Variants in STK32B observed in about 807,000 individuals in gnomAD.
The protein encoded by STK32B is serine/threonine kinase 32B, also known as serine/threonine-protein kinase 32B.
In STK32B, 43 loss-of-function variants were observed where a neutral mutation model predicts 52.6. The ratio of observed to expected loss-of-function variants is 0.82; its 90% confidence interval spans 0.64 to 1.05. The LOEUF is 1.05. Ranked by LOEUF, STK32B falls within the 50% of genes least tolerant of loss-of-function variation. The pLI, the probability that STK32B is intolerant of heterozygous loss-of-function variation, is 0.00. For missense variants in STK32B, 621 were observed against 534.6 expected (o/e 1.16, Z -1.59); for synonymous variants, 238 against 204.3 (o/e 1.17, Z -1.41).
intron 1 of STK32B, among the ~76,000 whole-genome samples, chr4:5,065,511 A>T (rs1171560250): frequency 1.3e-5 from 2 of 152,140 alleles, no homozygotes; most frequent in Non-Finnish European, 2.9e-5. Context: ...GCTGAATGCC[A>T]CATGGAAAAT....
intron 3 of STK32B, among the ~76,000 whole-genome samples, chr4:5,200,391 C>G (rs1722040972): frequency 6.6e-6 from 1 of 151,898 alleles, no homozygotes; most frequent in African/African-American, 2.4e-5. Flanking sequence ...GCTGAACTGG[C>G]CGAGATATAC....
chr4:5,181,987 C>T (rs895980149), intron 3 of STK32B, among the ~76,000 whole-genome samples: 8 of 152,222 alleles, frequency 5.3e-5, no homozygotes, highest in African/African-American at 1.9e-4. Flanking sequence ...TCCTTTAAAA[C>T]TCTGCTGCTG....
chr4:5,259,200 A>G (rs73797163), intron 3 of STK32B, among the ~76,000 whole-genome samples: 8,908 of 152,170 alleles, frequency 0.059, 400 homozygotes, highest in African/African-American at 0.13. Context: ...AACATTATAT[A>G]TTTATATTTA....
chr4:5,457,316 C>T (rs10223031), intron 8 of STK32B, among the ~76,000 whole-genome samples: 3,491 of 149,972 alleles, frequency 0.023, 125 homozygotes, highest in African/African-American at 0.08. Context: ...CCCGGGTTCA[C>T]GCCATTTTCC....
At chr4:5,187,331 C>T (rs528398083) in intron 3 of STK32B, among the ~76,000 whole-genome samples, 1 of 152,278 alleles carries the variant, frequency 6.6e-6, no homozygotes, top group Admixed American at 6.5e-5. Context: ...GTAAATTTAT[C>T]CCACACCTAT....
At position 5,367,780 on chromosome 4, in the gene STK32B, G is replaced by T. The variant is rs145804196; in HGVS notation, c.435-30427G>T. 4.0e-3 allele frequency among the ~76,000 whole-genome samples: 615 copies of T among 152,214 alleles called. 4 individuals carry two copies. The highest frequency in any genetic ancestry group is 0.014 in the African/African-American group (587 of 41,520). ...GTGCCATGGCAAATGTCTTTTCTCT[G>T]CTGGACAGCAGAGCCCATCTTGGGT... On this transcript the variant is annotated intron_variant, in intron 4 of 11. Coordinates refer to ENST00000282908, the MANE Select transcript of STK32B (RefSeq NM_018401.3).
intron 6 of STK32B, among the ~76,000 whole-genome samples, chr4:5,440,319 C>G (rs1309539169): frequency 6.6e-6 from 1 of 152,186 alleles, no homozygotes; most frequent in Non-Finnish European, 1.5e-5. Context: ...AGGTCCTACA[C>G]ATCCCTTGTA....
chr4:5,488,132 C>G (rs1288618080), intron 11 of STK32B, among the ~76,000 whole-genome samples: 1 of 152,122 alleles, frequency 6.6e-6, no homozygotes, highest in Non-Finnish European at 1.5e-5. Flanking sequence ...AACACTGTCT[C>G]TACTAAAAAT....
chr4:5,197,840 C>T (rs1271885161), intron 3 of STK32B, among the ~76,000 whole-genome samples: 1 of 152,102 alleles, frequency 6.6e-6, no homozygotes, highest in Non-Finnish European at 1.5e-5. Context: ...AGGTTCCTTG[C>T]TCTTCAATTA....
chr4:5,451,369 T>C (rs896399253), intron 7 of STK32B, among the ~76,000 whole-genome samples: 9 of 152,072 alleles, frequency 5.9e-5, no homozygotes, highest in Non-Finnish European at 1.2e-4. Flanking sequence ...GTCAGAAGGA[T>C]AGTGAGGGGA....
intron 6 of STK32B, among the ~76,000 whole-genome samples, chr4:5,439,663 C>A (rs1714512609): frequency 6.6e-6 from 1 of 152,188 alleles, no homozygotes; most frequent in South Asian, 2.1e-4. Flanking sequence ...CTGTTTTAGA[C>A]ATGAAGTCCT....
intron 9 of STK32B, among the ~76,000 whole-genome samples, chr4:5,461,235 G>A (rs7684119): frequency 0.34 from 51,363 of 152,066 alleles, 9,296 homozygotes; most frequent in Non-Finnish European, 0.39. Flanking sequence ...TAGCAGTGGT[G>A]TGAGCAGGAA....
chr4:5,182,328 T>C (rs1720426761), intron 3 of STK32B, among the ~76,000 whole-genome samples: 2 of 152,218 alleles, frequency 1.3e-5, no homozygotes, highest in Non-Finnish European at 2.9e-5. Flanking sequence ...TGACCGCCCA[T>C]GAATCACAGA....
the STK32B span, among the ~76,000 whole-genome samples, chr4:5,045,280 G>A: frequency 6.6e-6 from 1 of 152,198 alleles, no homozygotes; most frequent in Non-Finnish European, 1.5e-5. Context: ...GTGGCCCCCT[G>A]CAGTTCCCAG....
rs1027090396 is a variant in STK32B, at chr4:5,453,776, G to A, written c.667-3031G>A. 7.2e-5 allele frequency among the ~76,000 whole-genome samples: 11 copies of A among 151,950 alleles called. No individual in the cohort carries two copies. Among genetic ancestry groups the A allele is most frequent in the African/African-American group, 2.2e-4 (9 of 41,326 alleles). On this transcript the variant is annotated intron_variant, in intron 7 of 11. Transcript: ENST00000282908. This position sits in a 1 kb window ranked among gnomAD's most constrained non-coding sequence, Gnocchi z 4.0. Reference sequence around the variant, plus strand: ...AAAGATTAGTGGGGCATGGTGACGCGTGCCTGTAATCCCAGCTACTTGGGA... The same window carrying A: ...AAAGATTAGTGGGGCATGGTGACGCATGCCTGTAATCCCAGCTACTTGGGA...
the STK32B span, among the ~76,000 whole-genome samples, chr4:5,021,853 G>A: frequency 3.3e-5 from 5 of 152,280 alleles, no homozygotes; most frequent in South Asian, 1.0e-3. Flanking sequence ...GAGATATGGT[G>A]GATGCTGGGC....
At chr4:5,401,265 C>T (rs1737275881) in intron 5 of STK32B, among the ~76,000 whole-genome samples, 1 of 152,196 alleles carries the variant, frequency 6.6e-6, no homozygotes, top group Admixed American at 6.5e-5. Flanking sequence ...CTGGCATCTA[C>T]TTGCACCTTT....
intron 3 of STK32B, among the ~76,000 whole-genome samples, chr4:5,224,546 A>T (rs1312730283): frequency 6.6e-6 from 1 of 152,180 alleles, no homozygotes; most frequent in Admixed American, 6.5e-5. Context: ...ACTTGGCTTG[A>T]TATCACATAT....
At chr4:5,063,070 T>C (rs1027657692) in intron 1 of STK32B, among the ~76,000 whole-genome samples, 2 of 152,184 alleles carry the variant, frequency 1.3e-5, no homozygotes, top group South Asian at 4.1e-4. Flanking sequence ...TGTGTATGTC[T>C]CCTGTTGCAT....
Sources: gnomAD v4.1 joint callset for allele counts (sites outside exome capture counted in the v4.1 genomes callset) on GRCh38, gnomAD v4.1.1 for gene constraint, Gnocchi (gnomAD v3.1) non-coding constraint, MANE v1.5 for transcripts, NCBI Gene and HGNC (gene_info 2026-07-23, HGNC 2026-07-21) for gene names.